Variants in OR4E2 observed in about 807,000 individuals in gnomAD.
The protein encoded by OR4E2 is olfactory receptor 4E2.
In OR4E2, 9 loss-of-function variants were observed where a neutral mutation model predicts 11.0. The observed-to-expected ratio is 0.82, with a 90% CI of 0.49 to 1.43. OR4E2 has a LOEUF of 1.43. OR4E2 is among the 40% of genes most tolerant of loss of function. The pLI is 0.00. For missense variants in OR4E2, 441 were observed against 382.0 expected (o/e 1.15, Z -1.29); for synonymous variants, 159 against 147.3 (o/e 1.08, Z -0.57).
chr14:21,660,289 G>A (rs1880245463), intron 2 of OR4E2, among the ~76,000 whole-genome samples: 2 of 152,216 alleles, frequency 1.3e-5, no homozygotes, highest in African/African-American at 2.4e-5. Context: ...CTCAGGTGGT[G>A]ATGCTGAAGC....
chr14:21,658,696 GA>G (rs1880149208), intron 2 of OR4E2, among the ~76,000 whole-genome samples: 1 of 152,206 alleles, frequency 6.6e-6, no homozygotes, highest in Admixed American at 6.5e-5. Flanking sequence ...TCAAAAAGGG[GA>G]AAGTTGTTGC....
chr14:21,656,856 C>T (rs1181250963), intron 2 of OR4E2, among the ~76,000 whole-genome samples: 1 of 152,170 alleles, frequency 6.6e-6, no homozygotes, highest in Non-Finnish European at 1.5e-5. Context: ...CGCACACCCT[C>T]CAGGATTCCT....
chr14:21,656,839 A>T (rs1879976645), intron 2 of OR4E2, among the ~76,000 whole-genome samples: 2 of 152,184 alleles, frequency 1.3e-5, no homozygotes, highest in African/African-American at 4.8e-5. Flanking sequence ...CAGACAAAAC[A>T]CACATACGCA....
chr14:21,657,829 A>G (rs911403476), intron 2 of OR4E2, among the ~76,000 whole-genome samples: 1 of 152,014 alleles, frequency 6.6e-6, no homozygotes, highest in Non-Finnish European at 1.5e-5. Context: ...ACCTCAGGTG[A>G]TCCACCCCCT....
chr14:21,654,635 G>A (rs932211288), intron 1 of OR4E2, among the ~76,000 whole-genome samples: 1 of 151,996 alleles, frequency 6.6e-6, no homozygotes, highest in East Asian at 1.9e-4. Context: ...TCCTGTGAGT[G>A]CTGCATTTTC....
At chr14:21,658,959 C>A (rs1319944150) in intron 2 of OR4E2, among the ~76,000 whole-genome samples, 1 of 152,106 alleles carries the variant, frequency 6.6e-6, no homozygotes, top group Non-Finnish European at 1.5e-5. Flanking sequence ...TTTTGATGTA[C>A]AGATCAACTT....
rs1447633428 is a variant in OR4E2, at chr14:21,654,365, C to CGCACACACACACACGCAT, written c.-191+458_-191+475dup. Among the ~76,000 whole-genome samples the CGCACACACACACACGCAT allele has an allele frequency of 2.0e-5, 3 of 150,904 alleles. No homozygotes were observed. In the Admixed American group the frequency reaches 2.0e-4, roughly 10 times the overall value. On this transcript the variant is annotated intron_variant, in intron 1 of 3. Transcript: ENST00000641524. The stretch of plus-strand genomic sequence containing the variant: ...GAACCAAAGGTTTTACACACATGCA[C>CGCACACACACACACGCAT]GCACACACACACACGCATGCACACA...
Position 21,666,277 on chromosome 14 carries a change from T to C in OR4E2, c.*253T>C. 1 of 381,318 alleles carries C rather than the reference T, an allele frequency of 2.6e-6. No individual in the cohort carries two copies. Among genetic ancestry groups the C allele is most frequent in the African/African-American group, 2.1e-5 (1 of 46,850 alleles). The allele number at this position is 381,318 out of a possible 1,614,324, so 23.6% of individuals were successfully genotyped here. ...AACGTGGGAAAGTTTAAAGACAGCT[T>C]TTGATTTCATCAGTAAAAGAATACA... On this transcript the variant is annotated 3_prime_UTR_variant, in exon 4 of 4. Transcript: ENST00000641524.
intron 3 of OR4E2, among the ~76,000 whole-genome samples, chr14:21,663,569 C>T (rs973798892): frequency 6.6e-6 from 1 of 151,898 alleles, no homozygotes; most frequent in South Asian, 2.1e-4. Context: ...ATAAAAGAAG[C>T]CTGAGAGGGA....
intron 2 of OR4E2, among the ~76,000 whole-genome samples, chr14:21,659,993 C>T (rs1880228045): frequency 6.6e-6 from 1 of 151,748 alleles, no homozygotes; most frequent in African/African-American, 2.4e-5. Flanking sequence ...CAGCATAAAC[C>T]TTGTTGAGAA....
chr14:21,654,426 G>A (rs1161851942), intron 1 of OR4E2, among the ~76,000 whole-genome samples: 1 of 143,100 alleles, frequency 7.0e-6, no homozygotes, highest in East Asian at 2.0e-4. Flanking sequence ...GCACACACAC[G>A]CTGCATGCAC....
At chr14:21,661,920 G>T (rs1880350509) in intron 3 of OR4E2, among the ~76,000 whole-genome samples, 1 of 152,108 alleles carries the variant, frequency 6.6e-6, no homozygotes, top group Non-Finnish European at 1.5e-5. Context: ...TCAGAGGTAT[G>T]AGTGTTTAAA....
Position 21,665,232 on chromosome 14 carries a change from CTT to C in OR4E2, c.152_153del (p.Phe51TyrfsTer19), listed in dbSNP as rs760088134. On this transcript the variant is annotated frameshift_variant, in exon 4 of 4. Coordinates refer to ENST00000641524, the MANE Select transcript of OR4E2 (RefSeq NM_001001912.3). LOFTEE classifies it high-confidence loss of function. ...ACATTCTCATCATCATTGCCACAGT[CTT>C]TACTCCAAGTCTCCATACCCCCATG... ...GNILIIIATV[F>X]TPSLHTPMYF... 6.2e-7 allele frequency: 1 copy of C among 1,614,022 alleles called. No individual in the cohort carries two copies.
In OR4E2 at chr14:21,665,733, C is replaced by T. The variant is rs1256005045; in HGVS notation, c.651C>T (p.Ser217=). ...CCTGTTTCTTGGCCGTGGTCACCTC[C>T]TATATGGTCATCCTGGTTTCTCTTC... ...SLSCFLAVVT[S]YMVILVSLRK... The change falls in exon 4 of 4, where the codon TCC becomes TCT. Residue 217 remains serine (S), a synonymous_variant. Transcript: ENST00000641524. 1.2e-6 allele frequency: 2 copies of T among 1,614,004 alleles called. No individual in the cohort carries two copies. The highest frequency in any genetic ancestry group is 1.1e-5 in the South Asian group (1 of 91,082).
At chr14:21,656,074 T>G (rs1179220370) in intron 1 of OR4E2, among the ~76,000 whole-genome samples, 1 of 151,720 alleles carries the variant, frequency 6.6e-6, no homozygotes, top group Non-Finnish European at 1.5e-5. Context: ...GCCCAGGAAT[T>G]TGAGACCAAC....
At position 21,665,373 on chromosome 14, in the gene OR4E2, C is replaced by T. The variant is rs748916430; in HGVS notation, c.291C>T (p.Cys97=). 3.1e-6 allele frequency: 5 copies of T among 1,614,042 alleles called. No homozygotes were observed. The African/African-American group carries it at 4.0e-5, about 13-fold the overall frequency. Residue 97 remains cysteine, a synonymous_variant, in exon 4 of 4, where the codon TGC becomes TGT. Transcript: ENST00000641524. Reference sequence around the variant, plus strand: ...GAAAGACCATTTCCTTTGACAACTGCATCACACAGCTCTTCTTCCTACATC... The same window carrying T: ...GAAAGACCATTTCCTTTGACAACTGTATCACACAGCTCTTCTTCCTACATC... The part of the protein sequence containing the change: ...LERKTISFDN[C]ITQLFFLHLF...
intron 3 of OR4E2, among the ~76,000 whole-genome samples, chr14:21,661,907 G>A (rs1880349615): frequency 6.6e-6 from 1 of 152,028 alleles, no homozygotes; most frequent in Non-Finnish European, 1.5e-5. Context: ...AAAGTTGCTG[G>A]GTTCAGAGGT....
chr14:21,663,146 A>G (rs1224090206), intron 3 of OR4E2, among the ~76,000 whole-genome samples: 2 of 152,176 alleles, frequency 1.3e-5, no homozygotes, highest in Non-Finnish European at 2.9e-5. Flanking sequence ...GGCACCTACT[A>G]AGTGCTGCAA....
rs1054522711 is a variant in OR4E2, at chr14:21,666,207, A to G, written c.*183A>G. 14 of 478,848 alleles carry G rather than the reference A, an allele frequency of 2.9e-5. No homozygotes were observed. The highest frequency in any genetic ancestry group is 4.4e-5 in the Non-Finnish European group (12 of 273,530). 29.7% of individuals were successfully genotyped at this position (478,848 alleles called of 1,614,324 possible). A position where few individuals can be genotyped will look rare whatever the true frequency, so the allele number is the denominator to read the frequency against. ...TAAAGATAAGAACTTATTAACTATT[A>G]TTTAAATAAAGCAAAAGATCATAGT... On this transcript the variant is annotated 3_prime_UTR_variant, in exon 4 of 4. Transcript: ENST00000641524.
Sources: gnomAD v4.1 joint callset for allele counts (sites outside exome capture counted in the v4.1 genomes callset) on GRCh38, gnomAD v4.1.1 for gene constraint, MANE v1.5 for transcripts, NCBI Gene and HGNC (gene_info 2026-07-23, HGNC 2026-07-21) for gene names.